Variants in EEFSEC observed in about 807,000 individuals in gnomAD.
The protein encoded by EEFSEC is selenocysteine-specific elongation factor.
A neutral mutation model predicts 42.1 loss-of-function variants in EEFSEC; 43 were observed. That is an observed-to-expected ratio of 1.02 (90% CI 0.80 to 1.32). The LOEUF (loss-of-function observed/expected upper bound fraction) is 1.32, where lower values mean the gene tolerates loss of function less well. Among genes scored for constraint, EEFSEC ranks in the 40% most tolerant of loss-of-function variants. The pLI is 0.00. For missense variants in EEFSEC, 745 were observed against 803.6 expected (o/e 0.93, Z 0.88); for synonymous variants, 354 against 339.1 (o/e 1.04, Z -0.48).
intron 6 of EEFSEC, among the ~76,000 whole-genome samples, chr3:128,385,785 G>T (rs888676683): frequency 6.6e-5 from 10 of 152,192 alleles, no homozygotes; most frequent in Admixed American, 6.5e-4. Flanking sequence ...GCCTGAATCT[G>T]GGCAGAGGAA....
intron 5 of EEFSEC, among the ~76,000 whole-genome samples, chr3:128,352,966 A>G (rs1735549): frequency 2.6e-4 from 40 of 152,028 alleles, no homozygotes; most frequent in African/African-American, 7.5e-4. Context: ...CTCTTATTCT[A>G]TTGTCTCCAG....
intron 6 of EEFSEC, among the ~76,000 whole-genome samples, chr3:128,406,056 C>G (rs921458555): frequency 1.3e-5 from 2 of 152,218 alleles, no homozygotes; most frequent in African/African-American, 4.8e-5. Flanking sequence ...CCCACCAGGA[C>G]CCCCCAGTGG....
intron 5 of EEFSEC, among the ~76,000 whole-genome samples, chr3:128,350,042 G>A (rs2067364463): frequency 2.0e-5 from 3 of 152,246 alleles, no homozygotes; most frequent in Admixed American, 2.0e-4. Context: ...ACTGGCGCCG[G>A]TCAGGGAAGG....
chr3:128,167,200 A>G (rs939607572), intron 1 of EEFSEC, among the ~76,000 whole-genome samples: 3 of 152,232 alleles, frequency 2.0e-5, no homozygotes, highest in Admixed American at 1.3e-4. Flanking sequence ...AGGGCCTGTA[A>G]CATCCTACAC....
chr3:128,307,135 C>A (rs1226612781), intron 4 of EEFSEC, among the ~76,000 whole-genome samples: 1 of 152,250 alleles, frequency 6.6e-6, no homozygotes, highest in Non-Finnish European at 1.5e-5. Flanking sequence ...GGGTGTGGGG[C>A]CTGGCCACAC....
intron 6 of EEFSEC, among the ~76,000 whole-genome samples, chr3:128,380,831 AC>A (rs2067767249): frequency 6.6e-6 from 1 of 152,210 alleles, no homozygotes. Flanking sequence ...AAGTAGGGTC[AC>A]CTGGTGCTGG....
At chr3:128,229,052 T>A (rs1441433738) in intron 1 of EEFSEC, among the ~76,000 whole-genome samples, 1 of 152,166 alleles carries the variant, frequency 6.6e-6, no homozygotes, top group East Asian at 1.9e-4. Context: ...TGAGACTCAG[T>A]ATGAAAACCT....
intron 4 of EEFSEC, among the ~76,000 whole-genome samples, chr3:128,286,722 A>T (rs1310176731): frequency 6.6e-6 from 1 of 152,234 alleles, no homozygotes; most frequent in Non-Finnish European, 1.5e-5. Context: ...GAATGGTATT[A>T]GAGACAGGGT....
chr3:128,381,277 G>A (rs2067773051), intron 6 of EEFSEC, among the ~76,000 whole-genome samples: 3 of 152,244 alleles, frequency 2.0e-5, no homozygotes, highest in Admixed American at 2.0e-4. Flanking sequence ...AGCCTGTGAA[G>A]AGGAAATGGG....
At chr3:128,215,970 A>C (rs139528872) in intron 1 of EEFSEC, among the ~76,000 whole-genome samples, 7 of 152,264 alleles carry the variant, frequency 4.6e-5, no homozygotes, top group African/African-American at 1.7e-4. Context: ...TCTAAACATT[A>C]GGGACTGAGA....
At chr3:128,382,503 G>C (rs569814139) in intron 6 of EEFSEC, among the ~76,000 whole-genome samples, 62 of 152,270 alleles carry the variant, frequency 4.1e-4, no homozygotes, top group African/African-American at 1.2e-3. Flanking sequence ...TTTGACAGGG[G>C]GGAGGTGAGT....
At chr3:128,351,733 A>G (rs2067387728) in intron 5 of EEFSEC, among the ~76,000 whole-genome samples, 2 of 152,222 alleles carry the variant, frequency 1.3e-5, no homozygotes, top group African/African-American at 2.4e-5. Flanking sequence ...GCCAGGGACA[A>G]TGGGGACCCA....
At position 128,264,906 on chromosome 3, in the gene EEFSEC, C is replaced by T. The variant is rs2066337444; in HGVS notation, c.786+125C>T. On this transcript the variant is annotated intron_variant, in intron 4 of 6. Coordinates refer to ENST00000254730, the MANE Select transcript of EEFSEC (RefSeq NM_021937.5). ...GCCCTGGGACTCCCACTGCCTGCTC[C>T]GCCCCACCTCCCCTCTGGCTGCCTG... 20 of 1,180,412 alleles carry T rather than the reference C, an allele frequency of 1.7e-5. 1 individual carries two copies. The highest frequency in any genetic ancestry group is 5.5e-5 in the Admixed American group (2 of 36,648). 73.1% of individuals were successfully genotyped at this position (1,180,412 alleles called of 1,614,324 possible).
chr3:128,387,833 G>C (rs982753304), intron 6 of EEFSEC, among the ~76,000 whole-genome samples: 4 of 152,212 alleles, frequency 2.6e-5, no homozygotes, highest in Admixed American at 2.6e-4. Context: ...TGCATGTTTG[G>C]AGCCCTGGCA....
chr3:128,368,262 T>C (rs1022084743), intron 6 of EEFSEC, among the ~76,000 whole-genome samples: 1 of 151,908 alleles, frequency 6.6e-6, no homozygotes, highest in African/African-American at 2.4e-5. Flanking sequence ...CAAAACCCCA[T>C]CTCTAATAAA....
rs76546178 is a variant in EEFSEC at position 128,241,324 on chromosome 3, C to G, written c.317-5512C>G. Among the ~76,000 whole-genome samples, 166 of 150,138 alleles carry G rather than the reference C, an allele frequency of 1.1e-3. 2 individuals are homozygous for G. In the East Asian group the frequency reaches 0.032, roughly 29 times the overall value. On this transcript the variant is annotated intron_variant, in intron 1 of 6. Transcript: ENST00000254730. ...CTCTGGGCTTAGGTGATTATCCTAC[C>G]TTAGCCTCCCAAGTAGGTGGGATTA...
At chr3:128,423,986 G>C in the EEFSEC span, among the ~76,000 whole-genome samples, 1 of 152,140 alleles carries the variant, frequency 6.6e-6, no homozygotes. Context: ...GGGGGTGATG[G>C]GGAGAATGTG....
At chr3:128,382,969 T>C (rs1378861410) in intron 6 of EEFSEC, among the ~76,000 whole-genome samples, 2 of 152,256 alleles carry the variant, frequency 1.3e-5, no homozygotes, top group East Asian at 3.8e-4. Flanking sequence ...CTCCCTGAGA[T>C]GGCAGGCTGC....
chr3:128,336,009 A>G (rs749282350), intron 4 of EEFSEC, among the ~76,000 whole-genome samples: 1 of 152,062 alleles, frequency 6.6e-6, no homozygotes, highest in African/African-American at 2.4e-5. Context: ...CAGCCATTCA[A>G]AGAGGCAGTT....
Sources: gnomAD v4.1 joint callset for allele counts (sites outside exome capture counted in the v4.1 genomes callset) on GRCh38, gnomAD v4.1.1 for gene constraint, MANE v1.5 for transcripts, NCBI Gene and HGNC (gene_info 2026-07-23, HGNC 2026-07-21) for gene names.